Variants in PCDHA4 observed in about 807,000 individuals in gnomAD.
The protein encoded by PCDHA4 is protocadherin alpha-4.
Under a neutral mutation model 61.4 loss-of-function variants are expected in PCDHA4, and 49 were observed. That is an observed-to-expected ratio of 0.80 (90% CI 0.63 to 1.01). PCDHA4 has a LOEUF of 1.01. PCDHA4 is among the 50% of genes least tolerant of loss of function. The pLI, the probability that PCDHA4 is intolerant of heterozygous loss-of-function variation, is 0.00. For missense variants in PCDHA4, 1,254 were observed against 1,235.8 expected (o/e 1.01, Z -0.22); for synonymous variants, 590 against 550.3 (o/e 1.07, Z -1.01).
At position 140,853,369 on chromosome 5, in the gene PCDHA4, T is replaced by A. The variant is rs1471724448; in HGVS notation, c.2385+43797T>A. On this transcript the variant is annotated intron_variant, in intron 1 of 3. Transcript: ENST00000530339. ...ACATGAACTCACAGGGATCCAGAGA[T>A]GGTAAAATTCAAAACAGCCTGTCAA... is the stretch of plus-strand genomic sequence containing the variant. 3.1e-6 allele frequency: 3 copies of A among 982,868 alleles called. 1 individual carries two copies. The highest frequency in any genetic ancestry group is 3.7e-6 in the Non-Finnish European group (3 of 815,606). The allele number at this position is 982,868 out of a possible 1,614,324, so 60.9% of individuals were successfully genotyped here.
intron 1 of PCDHA4, chr5:140,837,285 A>T (rs944502999): frequency 6.6e-6 from 1 of 151,990 alleles, no homozygotes; most frequent in Admixed American, 6.6e-5. Flanking sequence ...CTTCTTTTTA[A>T]CTTACTTTGT....
rs2150530926 is a variant in PCDHA4 at position 140,853,336 on chromosome 5, A to G, written c.2385+43764A>G. The G allele has an allele frequency of 4.1e-5, 40 of 984,520 alleles. 4 individuals carry two copies. The highest frequency in any genetic ancestry group is 4.9e-5 in the Non-Finnish European group (40 of 817,056). 61.0% of individuals were successfully genotyped at this position (984,520 alleles called of 1,614,324 possible). A position where few individuals can be genotyped will look rare whatever the true frequency, so the allele number is the denominator to read the frequency against. On this transcript the variant is annotated intron_variant, in intron 1 of 3. Transcript: ENST00000530339. ...AGTAATAAATTTATCTTTTGAGGTC[A>G]TTAGCAAACATGAACTCACAGGGAT...
intron 1 of PCDHA4, chr5:140,869,802 G>T: frequency 6.2e-7 from 1 of 1,612,556 alleles, no homozygotes; most frequent in South Asian, 1.1e-5. Flanking sequence ...TCCAAGTCTT[G>T]GATGTCAACG....
chr5:140,874,444 T>C (rs2054916108), intron 1 of PCDHA4, among the ~76,000 whole-genome samples: 1 of 152,222 alleles, frequency 6.6e-6, no homozygotes, highest in South Asian at 2.1e-4. Context: ...TCCTAACTAC[T>C]AAATGACCTG....
chr5:140,809,469 G>C lies in PCDHA4; in HGVS notation c.2282G>C (p.Gly761Ala), dbSNP rs1655310932. Residue 761 changes from glycine (G) to alanine (A), a missense_variant, in exon 1 of 4, where the codon GGT (glycine) becomes GCT (alanine). Physicochemically the swap from Gly to Ala is moderately conservative, Grantham distance 60 (BLOSUM62 0). Transcript: ENST00000530339. ...CAGAGGAGGCCGAGGGTGTGCTCTG[G>C]TGAGGGCCCACCCAAGACCGACCTC... ...SQQRRPRVCS[G>A]EGPPKTDLMA... is the part of the protein sequence containing the mutation. 6.2e-7 allele frequency: 1 copy of C among 1,614,250 alleles called. No individual in the cohort carries two copies. Among genetic ancestry groups the C allele is most frequent in the Non-Finnish European group, 8.5e-7 (1 of 1,180,044 alleles).
intron 1 of PCDHA4, chr5:140,862,823 C>A (rs782375120): frequency 8.7e-6 from 5 of 571,444 alleles, no homozygotes; most frequent in Admixed American, 1.9e-5. Flanking sequence ...TAGGTGAGAG[C>A]GCGCGACGCG....
intron 1 of PCDHA4, among the ~76,000 whole-genome samples, chr5:140,970,048 G>T (rs561588022): frequency 6.6e-6 from 1 of 152,296 alleles, no homozygotes; most frequent in African/African-American, 2.4e-5. Flanking sequence ...TTGTCTGGTT[G>T]GTCCAGGGAG....
rs1434027533 is a variant in PCDHA4, at chr5:140,831,618, C to A, written c.2385+22046C>A. ...GTGCAAGTGATCTGCCCACCTTGGC[C>A]TCCCAAAGTACTAAGATTATAGGTG... On this transcript the variant is annotated intron_variant, in intron 1 of 3. Coordinates refer to ENST00000530339, the MANE Select transcript of PCDHA4 (RefSeq NM_018907.4). 2.6e-5 allele frequency among the ~76,000 whole-genome samples: 4 copies of A among 151,234 alleles called. No homozygotes were observed. In the South Asian group the frequency reaches 8.3e-4, roughly 32 times the overall value.
At chr5:140,878,832 G>A (rs1416879653) in intron 1 of PCDHA4, among the ~76,000 whole-genome samples, 1 of 152,138 alleles carries the variant, frequency 6.6e-6, no homozygotes, top group African/African-American at 2.4e-5. Flanking sequence ...TGCACAGGCT[G>A]GACTAGAACT....
At chr5:140,967,221 A>G (rs1198233262) in intron 1 of PCDHA4, 3 of 1,613,620 alleles carry the variant, frequency 1.9e-6, no homozygotes, top group African/African-American at 1.3e-5. Context: ...CCGCGGCCCA[A>G]CTACCAGCTT....
intron 3 of PCDHA4, among the ~76,000 whole-genome samples, chr5:141,000,552 C>T (rs2097946627): frequency 1.3e-5 from 2 of 149,102 alleles, no homozygotes; most frequent in Admixed American, 1.3e-4. Context: ...CTCAAACTCC[C>T]GAGTAGCTGG....
chr5:140,870,507 A>G (rs782584168), intron 1 of PCDHA4: 3 of 1,614,128 alleles, frequency 1.9e-6, no homozygotes, highest in African/African-American at 1.3e-5. Context: ...AGAACAACCC[A>G]CCAGGCTGCC....
At position 140,877,451 on chromosome 5, in the gene PCDHA4, C is replaced by T. The variant is rs782361627; in HGVS notation, c.2385+67879C>T. ...AAGGACCACGGTGAGCCCGCGCTGA[C>T]GTCCACGGCCACGGTGCTGGTGTCG... On this transcript the variant is annotated intron_variant, in intron 1 of 3. Coordinates refer to ENST00000530339, the MANE Select transcript of PCDHA4 (RefSeq NM_018907.4). The T allele has an allele frequency of 3.5e-5, 57 of 1,613,672 alleles. No individual in the cohort carries two copies. The East Asian group carries it at 1.2e-3, about 35-fold the overall frequency.
rs1467294389 is a variant in PCDHA4 at position 140,851,714 on chromosome 5, C to T, written c.2385+42142C>T. ...TAAAATGATCAGCCATGTGAAGATT[C>T]GAAACTTCGAGTTCTTTTGAAATTC... On this transcript the variant is annotated intron_variant, in intron 1 of 3. Coordinates refer to ENST00000530339, the MANE Select transcript of PCDHA4 (RefSeq NM_018907.4). The T allele has an allele frequency of 2.3e-5, 22 of 961,800 alleles. 2 individuals are homozygous for T. The highest frequency in any genetic ancestry group is 9.6e-5 in the South Asian group (2 of 20,808). The allele number at this position is 961,800 out of a possible 1,614,324, so 59.6% of individuals were successfully genotyped here.
intron 1 of PCDHA4, chr5:140,822,338 C>T (rs1440067593): frequency 1.9e-6 from 3 of 1,613,934 alleles, no homozygotes; most frequent in African/African-American, 1.3e-5. Flanking sequence ...GAAGAAGAAA[C>T]GAACTTTTTA....
At chr5:140,884,063 G>A in intron 1 of PCDHA4, 3 of 1,613,496 alleles carry the variant, frequency 1.9e-6, no homozygotes, top group Non-Finnish European at 1.7e-6. Flanking sequence ...CGCGGTGGAC[G>A]CCGATTCGGG....
At position 140,875,988 on chromosome 5, in the gene PCDHA4, A is replaced by G. The variant is rs144050089; in HGVS notation, c.2385+66416A>G. On this transcript the variant is annotated intron_variant, in intron 1 of 3. Transcript: ENST00000530339. ...TAAACTCTCTTTTGACCTATGCGTT[A>G]AGTCTAAATGAGAATTTTGAGCTTA... 4,280 of 1,614,014 alleles carry G rather than the reference A, an allele frequency of 2.7e-3. 13 individuals are homozygous for G. The highest frequency in any genetic ancestry group is 3.4e-3 in the Non-Finnish European group (4,021 of 1,179,898).
chr5:140,840,189 G>A (rs2150304475), intron 1 of PCDHA4, among the ~76,000 whole-genome samples: 23 of 152,082 alleles, frequency 1.5e-4, no homozygotes, highest in African/African-American at 5.3e-4. Context: ...AATATGGTAG[G>A]CAAAGGAAAA....
chr5:140,875,573 C>A, intron 1 of PCDHA4: 1 of 1,614,112 alleles, frequency 6.2e-7, no homozygotes, highest in Non-Finnish European at 8.5e-7. Context: ...CTCCACTACT[C>A]CGTCTACGAG....
Sources: allele counts gnomAD v4.1 joint callset (sites outside exome capture counted in the v4.1 genomes callset), GRCh38; gene constraint gnomAD v4.1.1; transcripts MANE v1.5; gene names NCBI Gene and HGNC (gene_info 2026-07-23, HGNC 2026-07-21).